Variants in KIF1B observed in about 807,000 individuals in gnomAD.
The protein encoded by KIF1B is kinesin family member 1B, also known as kinesin-like protein KIF1B.
In KIF1B, 76 loss-of-function variants were observed where a neutral mutation model predicts 241.9. The observed-to-expected ratio is 0.31, with a 90% CI of 0.26 to 0.38. The LOEUF (loss-of-function observed/expected upper bound fraction) is 0.38, where lower values mean the gene tolerates loss of function less well. KIF1B is among the 10% of genes least tolerant of loss of function. The pLI is 1.00. For synonymous variants in KIF1B, 750 were observed against 796.7 expected, an observed-to-expected ratio of 0.94 and a Z score of 0.99; for missense variants, 1,622 against 2,271.4, an observed-to-expected ratio of 0.71 and a Z score of 5.81.
Position 10,378,164 on chromosome 1 carries a change from C to T in KIF1B, c.*1577C>T, listed in dbSNP as rs796438759. On this transcript the variant is annotated 3_prime_UTR_variant, in exon 49 of 49. Transcript: ENST00000676179. ...TTCTGGATCCCAGGATTAAAACTAACCGTGACCACTACTCCAAACAAAACA... is the reference window on the plus strand; with the variant it reads ...TTCTGGATCCCAGGATTAAAACTAATCGTGACCACTACTCCAAACAAAACA... 3 of 603,650 alleles carry T rather than the reference C, an allele frequency of 5.0e-6. No homozygotes were observed. The highest frequency in any genetic ancestry group is 8.9e-6 in the Non-Finnish European group (3 of 338,890). 37.4% of individuals were successfully genotyped at this position (603,650 alleles called of 1,614,324 possible).
chr1:10,305,696 A>G, intron 22 of KIF1B: 7 of 1,058,200 alleles, frequency 6.6e-6, no homozygotes, highest in Non-Finnish European at 8.0e-6. Context: ...CAAACAAGGA[A>G]GGCGAAGTCC....
At chr1:10,349,808 C>CT (rs1652724212) in intron 37 of KIF1B, among the ~76,000 whole-genome samples, 1 of 152,086 alleles carries the variant, frequency 6.6e-6, no homozygotes, top group South Asian at 2.1e-4. Flanking sequence ...CCATGGACCT[C>CT]TTTGGCAGTA....
At chr1:10,284,942 C>T (rs1267703043) in intron 15 of KIF1B, among the ~76,000 whole-genome samples, 1 of 152,116 alleles carries the variant, frequency 6.6e-6, no homozygotes, top group Non-Finnish European at 1.5e-5. Context: ...AGTTCTGCAA[C>T]ACCTAGCAAA....
chr1:10,356,941 A>G (rs1210795845), intron 38 of KIF1B, among the ~76,000 whole-genome samples: 3 of 151,982 alleles, frequency 2.0e-5, no homozygotes, highest in Non-Finnish European at 2.9e-5. Flanking sequence ...GTGCGGTAGC[A>G]TGATCATAGC....
chr1:10,368,051 C>T (rs993792831), intron 43 of KIF1B, among the ~76,000 whole-genome samples: 1 of 152,048 alleles, frequency 6.6e-6, no homozygotes, highest in African/African-American at 2.4e-5. Flanking sequence ...TTTAGTAATT[C>T]ACTTTGGTAA....
chr1:10,275,262 G>A (rs1323691759), intron 10 of KIF1B, among the ~76,000 whole-genome samples, 166 bp from the exon 11 acceptor site: 6 of 152,126 alleles, frequency 3.9e-5, no homozygotes, highest in Non-Finnish European at 7.4e-5. Flanking sequence ...ACCTTGTTGC[G>A]TGAGTTTTTG....
chr1:10,308,479 C>A, intron 22 of KIF1B: 1 of 1,035,426 alleles, frequency 9.7e-7, no homozygotes, highest in Non-Finnish European at 1.2e-6. Flanking sequence ...TAAACAACAA[C>A]AAAAAAATGC....
At chr1:10,339,370 AACT>A (rs1181905585) in intron 31 of KIF1B, among the ~76,000 whole-genome samples, 6 of 152,232 alleles carry the variant, frequency 3.9e-5, no homozygotes, top group African/African-American at 1.4e-4. Flanking sequence ...ACTCTTATGT[AACT>A]ATGCCATCCA....
rs773664561 is a variant in KIF1B, at chr1:10,339,869, A to G, written c.3513+10A>G. 6.2e-7 allele frequency: 1 copy of G among 1,611,266 alleles called. No homozygotes were observed. ...TTATCATGTGCAGAATGTAAGTGAC[A>G]TGGACCTTTTTGCCAAACATATGTT... On this transcript the variant is annotated intron_variant, in intron 32 of 48. Coordinates refer to ENST00000676179, the MANE Select transcript of KIF1B (RefSeq NM_001365951.3).
chr1:10,317,360 T>G (rs1045229683), intron 22 of KIF1B, among the ~76,000 whole-genome samples: 2 of 151,426 alleles, frequency 1.3e-5, no homozygotes, highest in African/African-American at 2.5e-5. Flanking sequence ...CCCAGTGGTG[T>G]TTGAGTTCTT....
intron 43 of KIF1B, among the ~76,000 whole-genome samples, chr1:10,367,519 T>G (rs938906249): frequency 2.0e-5 from 3 of 149,706 alleles, no homozygotes; most frequent in Non-Finnish European, 4.4e-5. Flanking sequence ...TTTTTATTTT[T>G]TATTTTTATC....
At chr1:10,237,352 C>G (rs1328532165) in intron 2 of KIF1B, among the ~76,000 whole-genome samples, 1 of 152,082 alleles carries the variant, frequency 6.6e-6, no homozygotes, top group Non-Finnish European at 1.5e-5. Flanking sequence ...TTGTGTAAAC[C>G]TGGAGACATT....
At chr1:10,248,973 A>T (rs1571135488) in intron 2 of KIF1B, among the ~76,000 whole-genome samples, 3 of 152,322 alleles carry the variant, frequency 2.0e-5, no homozygotes, top group Admixed American at 2.0e-4. Context: ...AAGGTGGATT[A>T]TAGGAAGTAA....
At chr1:10,245,105 T>G (rs1230782030) in intron 2 of KIF1B, among the ~76,000 whole-genome samples, 1 of 152,222 alleles carries the variant, frequency 6.6e-6, no homozygotes, top group Non-Finnish European at 1.5e-5. Flanking sequence ...ACAGTATAAT[T>G]ACTAGACACT....
chr1:10,331,686 T>C (rs1296987224), intron 27 of KIF1B, among the ~76,000 whole-genome samples: 1 of 152,246 alleles, frequency 6.6e-6, no homozygotes, highest in Non-Finnish European at 1.5e-5. Flanking sequence ...CAGATAAACA[T>C]GTATGTCACT....
chr1:10,320,354 A>G (rs1651471572), intron 23 of KIF1B, among the ~76,000 whole-genome samples: 1 of 152,062 alleles, frequency 6.6e-6, no homozygotes, highest in Non-Finnish European at 1.5e-5. Flanking sequence ...GTGTTCTTAG[A>G]CCTTCGCACG....
chr1:10,247,692 T>C (rs1647246371), intron 2 of KIF1B, among the ~76,000 whole-genome samples: 1 of 152,220 alleles, frequency 6.6e-6, no homozygotes, highest in Non-Finnish European at 1.5e-5. Flanking sequence ...AAATTAAGGC[T>C]TACAGAGTTT....
intron 22 of KIF1B, among the ~76,000 whole-genome samples, chr1:10,313,702 C>G (rs902910853): frequency 6.6e-6 from 1 of 150,490 alleles, no homozygotes; most frequent in Non-Finnish European, 1.5e-5. Context: ...AGGTGCCCAC[C>G]ACCACACCCG....
intron 29 of KIF1B, 123 bp from the exon 30 acceptor site, chr1:10,336,951 C>T: frequency 3.0e-6 from 4 of 1,335,682 alleles, no homozygotes; most frequent in Non-Finnish European, 4.3e-6. Context: ...CTCAGACAGC[C>T]CTCAGTCCAT....
Sources: allele counts gnomAD v4.1 joint callset (sites outside exome capture counted in the v4.1 genomes callset), GRCh38; gene constraint gnomAD v4.1.1; transcripts MANE v1.5; gene names NCBI Gene and HGNC (gene_info 2026-07-23, HGNC 2026-07-21).